The following NRDE2 variants were observed in gnomAD, a reference collection of about 807,000 sequenced individuals.
NRDE2 encodes NRDE-2, necessary for RNA interference, domain containing.
In NRDE2, 76 loss-of-function variants were observed where a neutral mutation model predicts 124.2. The ratio of observed to expected loss-of-function variants is 0.61; its 90% CI spans 0.51 to 0.74. NRDE2 has a LOEUF of 0.74. Ranked by LOEUF, NRDE2 falls within the 30% of genes least tolerant of loss-of-function variation. NRDE2 has a pLI of 0.00. For synonymous variants in NRDE2, 489 were observed against 528.1 expected, an observed-to-expected ratio of 0.93 and a Z score of 1.01; for missense variants, 1,314 against 1,417.3, an observed-to-expected ratio of 0.93 and a Z score of 1.17.
intron 1 of NRDE2, among the ~76,000 whole-genome samples, chr14:90,329,919 T>A (rs1885603522): frequency 6.7e-6 from 1 of 149,152 alleles, no homozygotes; most frequent in Non-Finnish European, 1.5e-5. Flanking sequence ...GAAGTAATTA[T>A]TCCTGGGCTG....
At chr14:90,314,719 G>GT (rs1446242973) in intron 3 of NRDE2, among the ~76,000 whole-genome samples, 2 of 152,200 alleles carry the variant, frequency 1.3e-5, no homozygotes. Context: ...ATTCATTCAT[G>GT]TAACAAAAAC....
In NRDE2 at chr14:90,270,029, A is replaced by G; in HGVS notation, c.*8307T>C. 1.5e-6 allele frequency: 1 copy of G among 659,732 alleles called. No individual in the cohort carries two copies. The highest frequency in any genetic ancestry group is 2.5e-6 in the Non-Finnish European group (1 of 402,898). 40.9% of individuals were successfully genotyped at this position (659,732 alleles called of 1,614,324 possible). A position where few individuals can be genotyped will look rare whatever the true frequency, so the allele number is the denominator to read the frequency against. On this transcript the variant is annotated 3_prime_UTR_variant, in exon 14 of 14. Coordinates refer to ENST00000354366, the MANE Select transcript of NRDE2 (RefSeq NM_017970.4). ...AAATGAAGAGAATTCAAATGTAGAA[A>G]TCTACAAACTACAAAAATATATGTT...
intron 4 of NRDE2, chr14:90,304,762 C>A (rs1884540554): frequency 5.9e-6 from 1 of 170,428 alleles, no homozygotes. Flanking sequence ...CTTAACTGTT[C>A]CTAAATAAGG....
In NRDE2 at chr14:90,269,255, C is replaced by T. The variant is rs528759429; in HGVS notation, c.*9081G>A. 116 of 700,360 alleles carry T rather than the reference C, an allele frequency of 1.7e-4. 2 individuals carry two copies. The highest frequency in any genetic ancestry group is 1.3e-3 in the South Asian group (64 of 48,950). The allele number at this position is 700,360 out of a possible 1,614,324, so 43.4% of individuals were successfully genotyped here. ...CAAGGGGTGCTGAATTTATTTTTTC[C>T]GAGCATAATTGAGGGAGTGCCATGT... On this transcript the variant is annotated 3_prime_UTR_variant, in exon 14 of 14. Transcript: ENST00000354366.
chr14:90,313,913 A>G (rs1884947100), intron 3 of NRDE2, among the ~76,000 whole-genome samples: 1 of 152,210 alleles, frequency 6.6e-6, no homozygotes, highest in Non-Finnish European at 1.5e-5. Context: ...CCAACTGCAG[A>G]GGGCTTCCTG....
Position 90,278,214 on chromosome 14 carries a change from T to C in NRDE2, c.*122A>G. 8.4e-7 allele frequency: 1 copy of C among 1,190,214 alleles called. No individual in the cohort carries two copies. Among genetic ancestry groups the C allele is most frequent in the Non-Finnish European group, 1.2e-6 (1 of 835,900 alleles). 73.7% of individuals were successfully genotyped at this position (1,190,214 alleles called of 1,614,324 possible). ...AGAGGCTGGCAGCCCACATTATTAC[T>C]ATCGAGAAAGAACATTTCAAAAGCC... On this transcript the variant is annotated 3_prime_UTR_variant, in exon 14 of 14. Coordinates refer to ENST00000354366, the MANE Select transcript of NRDE2 (RefSeq NM_017970.4).
At chr14:90,317,947 C>A in intron 2 of NRDE2, 58 bp downstream of exon 2, 3 of 1,244,268 alleles carry the variant, frequency 2.4e-6, no homozygotes, top group Non-Finnish European at 3.4e-6. Context: ...TTCATTTCAG[C>A]TAAGCTATAG....
intron 1 of NRDE2, among the ~76,000 whole-genome samples, chr14:90,322,960 A>C (rs540296887): frequency 6.6e-6 from 1 of 152,342 alleles, no homozygotes; most frequent in African/African-American, 2.4e-5. Context: ...AGCACACCAA[A>C]TGCCTACGGT....
At chr14:90,324,829 CG>C (rs1033590288) in intron 1 of NRDE2, among the ~76,000 whole-genome samples, 3 of 152,128 alleles carry the variant, frequency 2.0e-5, no homozygotes, top group African/African-American at 7.2e-5. Flanking sequence ...AGAGTTGTTA[CG>C]TGCATTCAAT....
Position 90,270,317 on chromosome 14 carries a change from A to T in NRDE2, c.*8019T>A. On this transcript the variant is annotated 3_prime_UTR_variant, in exon 14 of 14. Coordinates refer to ENST00000354366, the MANE Select transcript of NRDE2 (RefSeq NM_017970.4). ...TGATGTAACCCTGGACGACCTGATC[A>T]TGGCTAAAGATGACCTCTCTGGTGC... 9 of 1,613,686 alleles carry T rather than the reference A, an allele frequency of 5.6e-6. No homozygotes were observed. Among genetic ancestry groups the T allele is most frequent in the Non-Finnish European group, 7.6e-6 (9 of 1,179,926 alleles).
In NRDE2 at chr14:90,279,144, G is replaced by A. The variant is rs1454324674; in HGVS notation, c.3298-11C>T. ...ATTTCCTAAGGAAACCTGAGGTGAGGGGGAGAAAATACAAACATGATTAGT... is the reference window on the plus strand; with the variant it reads ...ATTTCCTAAGGAAACCTGAGGTGAGAGGGAGAAAATACAAACATGATTAGT... On this transcript the variant is annotated splice_polypyrimidine_tract_variant and intron_variant, in intron 12 of 13. Transcript: ENST00000354366. The A allele has an allele frequency of 6.3e-7, 1 of 1,599,190 alleles. No individual in the cohort carries two copies. Among genetic ancestry groups the A allele is most frequent in the African/African-American group, 1.3e-5 (1 of 74,686 alleles).
At chr14:90,285,033 C>A (rs1185185869) in intron 12 of NRDE2, among the ~76,000 whole-genome samples, 4 of 152,024 alleles carry the variant, frequency 2.6e-5, no homozygotes, top group Admixed American at 6.5e-5. Context: ...AATCCCAGCA[C>A]TTTCAGAGGA....
intron 1 of NRDE2, among the ~76,000 whole-genome samples, chr14:90,329,417 T>C (rs1485658466): frequency 6.6e-6 from 1 of 152,162 alleles, no homozygotes; most frequent in Non-Finnish European, 1.5e-5. Context: ...ACTTAGCTCC[T>C]GGCTAGGCAC....
chr14:90,272,256 ACT>A lies in NRDE2; in HGVS notation c.*6078_*6079del. ...AATGAGTATGTCACTTTCTGAACACACTCTTCTTTCTTACAGGCAATCTGTAC... is the reference window on the plus strand; with the variant it reads ...AATGAGTATGTCACTTTCTGAACACACTTCTTTCTTACAGGCAATCTGTAC... On this transcript the variant is annotated 3_prime_UTR_variant, in exon 14 of 14. Coordinates refer to ENST00000354366, the MANE Select transcript of NRDE2 (RefSeq NM_017970.4). This position sits in a 1 kb window ranked among gnomAD's most constrained non-coding sequence, Gnocchi z 4.5. The A allele has an allele frequency of 6.2e-7, 1 of 1,601,084 alleles. No individual in the cohort carries two copies. Among genetic ancestry groups the A allele is most frequent in the Admixed American group, 1.8e-5 (1 of 56,026 alleles).
Position 90,331,860 on chromosome 14 carries a change from A to T in NRDE2, c.45T>A (p.Asp15Glu). Residue 15 changes from aspartate (D) to glutamate (E), a missense_variant, in exon 1 of 14, where the codon GAT (aspartate) becomes GAA (glutamate). Transcript: ENST00000354366. ...PAFAGLSEAP[D>E]GGSSRKELDW... ...GCTTACCTTTCCTGGAGCTCCCGCC[A>T]TCGGGAGCCTCACTAAGCCCCGCAA... 6 of 1,614,030 alleles carry T rather than the reference A, an allele frequency of 3.7e-6. No homozygotes were observed. The highest frequency in any genetic ancestry group is 5.1e-6 in the Non-Finnish European group (6 of 1,180,020).
At chr14:90,290,654 C>T (rs747916225) in intron 9 of NRDE2, 47 bp from the exon 10 acceptor site, 15 of 1,550,648 alleles carry the variant, frequency 9.7e-6, no homozygotes, top group South Asian at 2.5e-5. Context: ...AAACAAAACC[C>T]GCACATTTGT....
At position 90,278,318 on chromosome 14, in the gene NRDE2, C is replaced by A. The variant is rs768169017; in HGVS notation, c.*18G>T. 1 of 1,614,016 alleles carries A rather than the reference C, an allele frequency of 6.2e-7. No individual in the cohort carries two copies. The highest frequency in any genetic ancestry group is 1.1e-5 in the South Asian group (1 of 91,072). ...GGCAACTTGGCCTCGCAGGCACAGCCCGTTTTCCCGCTGCTCTCTAATCCT... is the reference window on the plus strand; with the variant it reads ...GGCAACTTGGCCTCGCAGGCACAGCACGTTTTCCCGCTGCTCTCTAATCCT... On this transcript the variant is annotated 3_prime_UTR_variant, in exon 14 of 14. Coordinates refer to ENST00000354366, the MANE Select transcript of NRDE2 (RefSeq NM_017970.4).
intron 9 of NRDE2, among the ~76,000 whole-genome samples, chr14:90,292,352 T>C (rs1892293437): frequency 6.6e-6 from 1 of 152,182 alleles, no homozygotes; most frequent in Non-Finnish European, 1.5e-5. Context: ...TTTTGAATAA[T>C]CTGTATGTAT....
At chr14:90,293,826 A>T (rs555206888) in intron 8 of NRDE2, among the ~76,000 whole-genome samples, 1 of 152,392 alleles carries the variant, frequency 6.6e-6, no homozygotes, top group Admixed American at 6.5e-5. Flanking sequence ...AGCCAGAGTT[A>T]TCTGTAAAGT....
Sources: allele counts gnomAD v4.1 joint callset (sites outside exome capture counted in the v4.1 genomes callset), GRCh38; gene constraint gnomAD v4.1.1; non-coding constraint Gnocchi (gnomAD v3.1); transcripts MANE v1.5; gene names NCBI Gene and HGNC (gene_info 2026-07-23, HGNC 2026-07-21).